The following MLIP variants were observed in gnomAD, a reference collection of about 807,000 sequenced individuals.
The protein encoded by MLIP is muscular LMNA-interacting protein.
Under a neutral mutation model 84.8 loss-of-function variants are expected in MLIP, and 79 were observed. That is an observed-to-expected ratio of 0.93 (90% CI 0.78 to 1.12). The LOEUF (loss-of-function observed/expected upper bound fraction) is 1.12. Ranked by LOEUF, MLIP falls within the 50% of genes most tolerant of loss-of-function variation. The pLI, the probability that MLIP is intolerant of heterozygous loss-of-function variation, is 0.00. For missense variants in MLIP, 1,257 were observed against 1,160.6 expected, an observed-to-expected ratio of 1.08 and a Z score of -1.21; for synonymous variants, 504 against 463.0, an observed-to-expected ratio of 1.09 and a Z score of -1.14.
intron 1 of MLIP, among the ~76,000 whole-genome samples, chr6:54,038,715 T>G (rs1039881377): frequency 6.6e-6 from 1 of 152,028 alleles, no homozygotes; most frequent in Admixed American, 6.6e-5. Context: ...CCTTAAAAAG[T>G]CTCCTGAACT....
intron 1 of MLIP, among the ~76,000 whole-genome samples, chr6:54,112,193 T>C (rs1391632081): frequency 1.3e-5 from 2 of 152,224 alleles, no homozygotes; most frequent in African/African-American, 4.8e-5. Context: ...TGCTGCTTTG[T>C]GTGGAAAATG....
intron 5 of MLIP, among the ~76,000 whole-genome samples, chr6:54,158,172 C>CA (rs1244682316): frequency 6.6e-6 from 1 of 152,020 alleles, no homozygotes; most frequent in East Asian, 1.9e-4. Flanking sequence ...TTTTGATGAG[C>CA]AATGGATTCC....
In MLIP at chr6:54,215,311, C is replaced by T. The variant is rs750095025; in HGVS notation, c.2718+13078C>T. 32 of 1,382,720 alleles carry T rather than the reference C, an allele frequency of 2.3e-5. 1 individual carries two copies. In the South Asian group the frequency reaches 4.4e-4, roughly 19 times the overall value. 85.7% of individuals were successfully genotyped at this position (1,382,720 alleles called of 1,614,324 possible). The stretch of plus-strand genomic sequence containing the variant: ...GAATTCAATGGCAAGAACATGGGCT[C>T]TTGTGATTTTTGAAAAAATCAGTCC... On this transcript the variant is annotated intron_variant, in intron 11 of 13. Coordinates refer to ENST00000502396, the MANE Select transcript of MLIP (RefSeq NM_001281747.2).
chr6:54,110,132 G>T (rs1351993594), upstream of MLIP, among the ~76,000 whole-genome samples: 1 of 151,278 alleles, frequency 6.6e-6, no homozygotes, highest in Non-Finnish European at 1.5e-5. Context: ...ACAGCTGCCC[G>T]CCACAACGCC....
At chr6:54,179,471 CT>C (rs1776634509) in intron 9 of MLIP, among the ~76,000 whole-genome samples, 1 of 151,792 alleles carries the variant, frequency 6.6e-6, no homozygotes, top group Admixed American at 6.6e-5. Context: ...GTGGTATCCT[CT>C]TTTTTCTTTT....
chr6:54,235,491 A>G (rs1781301687), intron 12 of MLIP, among the ~76,000 whole-genome samples: 1 of 152,118 alleles, frequency 6.6e-6, no homozygotes, highest in Non-Finnish European at 1.5e-5. Flanking sequence ...CATGCATATT[A>G]TAGGTCATCT....
At chr6:54,052,202 G>A (rs1203601440) in intron 1 of MLIP, among the ~76,000 whole-genome samples, 1 of 152,080 alleles carries the variant, frequency 6.6e-6, no homozygotes, top group Non-Finnish European at 1.5e-5. Flanking sequence ...CAATTACTGG[G>A]TCCCAGAGAA....
chr6:54,046,127 C>G (rs1765034470), intron 1 of MLIP: 1 of 152,142 alleles, frequency 6.6e-6, no homozygotes, highest in African/African-American at 2.4e-5. Flanking sequence ...CTATATTTCC[C>G]TGAGTTCCAG....
Position 54,137,087 on chromosome 6 carries a change from G to A in MLIP, c.1018G>A (p.Gly340Arg), listed in dbSNP as rs1771867331. ...TTTAACCTCGCATGTCCTTAGTCAC[G>A]GAGAAAGTCCGAGAACCTCTTCTTC... Reference protein sequence around the residue: ...TTLTSHVLSHGESPRTSSSPP... With the variant: ...TTLTSHVLSHRESPRTSSSPP... Residue 340 changes from glycine (G) to arginine (R), a missense_variant, in exon 4 of 14, where the codon GGA becomes AGA. Gly to Arg is a moderately radical substitution (Grantham distance 125, BLOSUM62 -2). Transcript: ENST00000502396. 2.6e-6 allele frequency: 4 copies of A among 1,535,862 alleles called. No individual in the cohort carries two copies. The highest frequency in any genetic ancestry group is 3.5e-6 in the Non-Finnish European group (4 of 1,146,882).
At chr6:54,136,116 T>C (rs1771776620) in intron 3 of MLIP, among the ~76,000 whole-genome samples, 1 of 152,212 alleles carries the variant, frequency 6.6e-6, no homozygotes, top group Non-Finnish European at 1.5e-5. Context: ...AGCTAAAACT[T>C]CCTGTTTAAT....
chr6:54,237,093 T>C lies in MLIP; in HGVS notation c.2922+6176T>C, dbSNP rs1781414888. On this transcript the variant is annotated intron_variant, in intron 12 of 13. Coordinates refer to ENST00000502396, the MANE Select transcript of MLIP (RefSeq NM_001281747.2). ...TTTTCTCTGAGAAGACCGTCACTTA[T>C]GAGTAGTTATTTTGGGAGGTGGTTC... Among the ~76,000 whole-genome samples, 3 of 151,814 alleles carry C rather than the reference T, an allele frequency of 2.0e-5. No individual in the cohort carries two copies. The South Asian group carries it at 6.2e-4, about 32-fold the overall frequency.
At chr6:54,249,710 AAC>A (rs147266668) in intron 12 of MLIP, among the ~76,000 whole-genome samples, 9,653 of 146,724 alleles carry the variant, frequency 0.066, 408 homozygotes, top group Non-Finnish European at 0.089. Flanking sequence ...GGAAATGAGG[AAC>A]ACACACACAC....
At chr6:54,151,233 C>T (rs902933570) in intron 5 of MLIP, among the ~76,000 whole-genome samples, 4 of 151,990 alleles carry the variant, frequency 2.6e-5, no homozygotes, top group African/African-American at 7.2e-5. Flanking sequence ...ATGTGTTCCT[C>T]AATAAGAAAT....
chr6:54,028,070 T>A (rs1207056343), intron 1 of MLIP, among the ~76,000 whole-genome samples: 1 of 152,206 alleles, frequency 6.6e-6, no homozygotes, highest in Non-Finnish European at 1.5e-5. Flanking sequence ...TGGAATTGTA[T>A]TAGAGAATCA....
At chr6:54,087,662 G>C (rs1198275101) in intron 1 of MLIP, among the ~76,000 whole-genome samples, 1 of 152,116 alleles carries the variant, frequency 6.6e-6, no homozygotes. Context: ...AGAAGGAAGA[G>C]GATCCAAGCT....
chr6:54,243,267 G>A (rs1048817708), intron 12 of MLIP, among the ~76,000 whole-genome samples: 3 of 152,142 alleles, frequency 2.0e-5, no homozygotes, highest in Non-Finnish European at 4.4e-5. Context: ...GGAGTGGACT[G>A]GGCATTCCAG....
chr6:54,083,710 C>A, intron 1 of MLIP: 1 of 1,393,614 alleles, frequency 7.2e-7, no homozygotes, highest in Non-Finnish European at 9.8e-7. Flanking sequence ...CTTTGTATTT[C>A]TTATTTCGTA....
chr6:54,260,117 T>C (rs1783285057), intron 13 of MLIP, among the ~76,000 whole-genome samples: 1 of 152,058 alleles, frequency 6.6e-6, no homozygotes, highest in Admixed American at 6.6e-5. Flanking sequence ...TACCAGACTG[T>C]CATTTCTTGA....
At chr6:54,192,631 T>C (rs1280707574) in intron 10 of MLIP, among the ~76,000 whole-genome samples, 1 of 151,826 alleles carries the variant, frequency 6.6e-6, no homozygotes, top group African/African-American at 2.4e-5. Flanking sequence ...TATTTATATT[T>C]TTATATATGT....
Sources: gnomAD v4.1 joint callset for allele counts (sites outside exome capture counted in the v4.1 genomes callset) on GRCh38, gnomAD v4.1.1 for gene constraint, MANE v1.5 for transcripts, NCBI Gene and HGNC (gene_info 2026-07-23, HGNC 2026-07-21) for gene names.